The following ANXA13 variants were observed in gnomAD, a reference collection of about 807,000 sequenced individuals.
ANXA13 encodes annexin A13, also known as annexin XIII.
In ANXA13, 36 loss-of-function variants were observed where a neutral mutation model predicts 46.6. The observed-to-expected ratio is 0.77, with a 90% CI of 0.59 to 1.02. The LOEUF (loss-of-function observed/expected upper bound fraction) is 1.02, where lower values mean the gene tolerates loss of function less well. Ranked by LOEUF, ANXA13 falls within the 50% of genes least tolerant of loss-of-function variation. The probability of loss-of-function intolerance (pLI) is 0.00; values close to 1 mark genes in which losing one functional copy is unlikely to be tolerated. For synonymous variants in ANXA13, 163 were observed against 152.9 expected, an observed-to-expected ratio of 1.07 and a Z score of -0.49; for missense variants, 417 against 396.5, an observed-to-expected ratio of 1.05 and a Z score of -0.44.
intron 2 of ANXA13, among the ~76,000 whole-genome samples, chr8:123,708,552 C>T (rs1020767378): frequency 6.6e-6 from 1 of 152,186 alleles, no homozygotes; most frequent in Non-Finnish European, 1.5e-5. Flanking sequence ...CCTCATTTCT[C>T]CTTTGGAAAT....
intron 1 of ANXA13, among the ~76,000 whole-genome samples, chr8:123,716,113 T>A (rs957969918): frequency 6.6e-6 from 1 of 152,176 alleles, no homozygotes; most frequent in African/African-American, 2.4e-5. Flanking sequence ...TGAGACAGGG[T>A]CTCACTCTGT....
At chr8:123,714,511 G>C (rs1813726015) in intron 1 of ANXA13, among the ~76,000 whole-genome samples, 1 of 152,210 alleles carries the variant, frequency 6.6e-6, no homozygotes, top group Admixed American at 6.5e-5. Flanking sequence ...CAGCGCCTGT[G>C]TCCTTGGGCT....
At chr8:123,682,605 T>G (rs2129811130) in intron 10 of ANXA13, among the ~76,000 whole-genome samples, 1 of 152,238 alleles carries the variant, frequency 6.6e-6, no homozygotes, top group South Asian at 2.1e-4. Context: ...TTGCAGTGGA[T>G]GTGGAGCAGG....
intron 10 of ANXA13, among the ~76,000 whole-genome samples, chr8:123,684,101 G>A (rs1586309670): frequency 6.6e-6 from 1 of 152,186 alleles, no homozygotes; most frequent in Admixed American, 6.5e-5. Flanking sequence ...GGAAGGGATG[G>A]CAATGAAGAA....
At chr8:123,698,632 G>A in intron 3 of ANXA13, 73 bp from the exon 4 acceptor site, 1 of 1,493,330 alleles carries the variant, frequency 6.7e-7, no homozygotes, top group Non-Finnish European at 9.2e-7. Context: ...TTGCACTATT[G>A]CAAGTGCTCA....
Position 123,712,702 on chromosome 8 carries a change from G to C in ANXA13, c.67C>G (p.Leu23Val). The C allele has an allele frequency of 6.2e-7, 1 of 1,614,188 alleles. No homozygotes were observed. The highest frequency in any genetic ancestry group is 8.5e-7 in the Non-Finnish European group (1 of 1,180,034). Reference protein sequence around the residue: ...GFDVDRDAKKLNKACKGMGTN... With the variant: ...GFDVDRDAKKVNKACKGMGTN... ...CCCATTCCTTTGCAGGCTTTGTTCA[G>C]CTTTTTGGCATCTCGATCCACATCA... The change falls in exon 2 of 11, where the codon CTG becomes GTG. Residue 23 changes from leucine (L) to valine (V), a missense_variant. By Grantham distance (32) the Leu-to-Val change is conservative. Coordinates refer to ENST00000419625, the MANE Select transcript of ANXA13 (RefSeq NM_004306.4).
chr8:123,692,360 A>G (rs1813258410), intron 8 of ANXA13, among the ~76,000 whole-genome samples: 1 of 152,214 alleles, frequency 6.6e-6, no homozygotes, highest in Non-Finnish European at 1.5e-5. Context: ...TGAATGAGAC[A>G]CAGAACATAG....
At position 123,698,420 on chromosome 8, in the gene ANXA13, AG is replaced by A. The variant is rs750410661; in HGVS notation, c.325del (p.Leu109SerfsTer40). The A allele has an allele frequency of 6.2e-7, 1 of 1,614,138 alleles. No individual in the cohort carries two copies. The highest frequency in any genetic ancestry group is 8.5e-7 in the Non-Finnish European group (1 of 1,180,024). ...GGTCCTCGTGCACAGGACCTCAATG[AG>A]GACGGACTCATCTGTGCCCAGACCC... Reference protein sequence around the residue: ...MKGLGTDESVLIEVLCTRTNK... With the variant: ...MKGLGTDESVXIEVLCTRTNK... On this transcript the variant is annotated frameshift_variant, in exon 4 of 11. Coordinates refer to ENST00000419625, the MANE Select transcript of ANXA13 (RefSeq NM_004306.4). LOFTEE classifies it high-confidence loss of function.
chr8:123,701,509 C>A (rs1302778623), intron 3 of ANXA13, among the ~76,000 whole-genome samples: 1 of 152,122 alleles, frequency 6.6e-6, no homozygotes, highest in East Asian at 1.9e-4. Flanking sequence ...AAACCACACA[C>A]ACATTCAGCT....
At chr8:123,735,779 A>G (rs746833787) in intron 1 of ANXA13, 10 of 1,612,338 alleles carry the variant, frequency 6.2e-6, no homozygotes, top group Non-Finnish European at 8.5e-6. Flanking sequence ...CTGGCTCTCC[A>G]TTCCGTGATG....
intron 3 of ANXA13, 49 bp from the exon 4 acceptor site, chr8:123,698,608 G>A (rs1252125460): frequency 6.3e-7 from 1 of 1,590,662 alleles, no homozygotes; most frequent in Non-Finnish European, 8.6e-7. Context: ...AGGAGGAGAG[G>A]GGCAGGTGTC....
intron 3 of ANXA13, among the ~76,000 whole-genome samples, chr8:123,701,800 G>A (rs557535237): frequency 4.2e-4 from 64 of 151,940 alleles, no homozygotes; most frequent in Middle Eastern, 3.4e-3. Context: ...AACAATCATA[G>A]CTATCATAGC....
chr8:123,729,721 A>G (rs1814075336), intron 1 of ANXA13, among the ~76,000 whole-genome samples: 1 of 152,178 alleles, frequency 6.6e-6, no homozygotes, highest in Admixed American at 6.5e-5. Flanking sequence ...TGAACTGCTG[A>G]ACCAACACTG....
intron 3 of ANXA13, among the ~76,000 whole-genome samples, chr8:123,700,339 G>T (rs567501859): frequency 6.6e-6 from 1 of 152,348 alleles, no homozygotes; most frequent in Non-Finnish European, 1.5e-5. Flanking sequence ...CATTCTGACT[G>T]GACAGAGTAG....
At chr8:123,716,120 C>T (rs1386411750) in intron 1 of ANXA13, among the ~76,000 whole-genome samples, 1 of 152,186 alleles carries the variant, frequency 6.6e-6, no homozygotes, top group African/African-American at 2.4e-5. Flanking sequence ...GGGTCTCACT[C>T]TGTTGCCCAA....
chr8:123,706,791 C>T (rs1813548645), intron 2 of ANXA13, among the ~76,000 whole-genome samples: 1 of 152,230 alleles, frequency 6.6e-6, no homozygotes, highest in African/African-American at 2.4e-5. Flanking sequence ...GGCCTTTTGG[C>T]CTCTCAAAGT....
chr8:123,683,382 G>T (rs1455352783), intron 10 of ANXA13, among the ~76,000 whole-genome samples: 1 of 151,110 alleles, frequency 6.6e-6, no homozygotes, highest in Admixed American at 6.6e-5. Flanking sequence ...TCAGAATTTG[G>T]GTTGGTGTCC....
chr8:123,710,510 G>A (rs773623186), intron 2 of ANXA13, among the ~76,000 whole-genome samples: 16 of 152,174 alleles, frequency 1.1e-4, no homozygotes, highest in Non-Finnish European at 1.6e-4. Context: ...ATTATATCTC[G>A]ATAAGCAAAA....
chr8:123,724,866 T>A (rs1813953261), intron 1 of ANXA13, among the ~76,000 whole-genome samples: 1 of 152,250 alleles, frequency 6.6e-6, no homozygotes, highest in African/African-American at 2.4e-5. Flanking sequence ...AATAAAGTTT[T>A]ATTGGAACAC....
Sources: allele counts gnomAD v4.1 joint callset (sites outside exome capture counted in the v4.1 genomes callset), GRCh38; gene constraint gnomAD v4.1.1; transcripts MANE v1.5; gene names NCBI Gene and HGNC (gene_info 2026-07-23, HGNC 2026-07-21).